The following NDUFA5 variants were observed in gnomAD, a reference collection of about 807,000 sequenced individuals.
NDUFA5 encodes NADH dehydrogenase [ubiquinone] 1 alpha subcomplex subunit 5.
NDUFA5 carries 11 observed loss-of-function variants against 19.8 expected under a neutral mutation model. That is an observed-to-expected ratio of 0.56 (90% confidence interval 0.35 to 0.92). The LOEUF (loss-of-function observed/expected upper bound fraction) is 0.92. Among genes scored for constraint, NDUFA5 ranks in the 40% least tolerant of loss-of-function variants. The pLI is 0.01. For synonymous variants in NDUFA5, 47 were observed against 46.8 expected (o/e 1.00, Z -0.01); for missense variants, 109 against 134.2 (o/e 0.81, Z 0.93).
chr7:123,557,704 G>A (rs1308995549), intron 1 of NDUFA5, 71 bp downstream of exon 1: 2 of 1,613,984 alleles, frequency 1.2e-6, no homozygotes, highest in Non-Finnish European at 8.5e-7. Flanking sequence ...CAACACCCGC[G>A]GGAAGTAGGG....
chr7:123,570,627 T>C, the NDUFA5 span, among the ~76,000 whole-genome samples: 9 of 152,188 alleles, frequency 5.9e-5, no homozygotes, highest in Admixed American at 1.3e-4. Flanking sequence ...TGACTCACCT[T>C]GACAAATTAT....
At chr7:123,592,668 G>A in the NDUFA5 span, among the ~76,000 whole-genome samples, 2 of 152,104 alleles carry the variant, frequency 1.3e-5, no homozygotes, top group African/African-American at 4.8e-5. Flanking sequence ...TGCGATTTCT[G>A]TTCTTTTACA....
chr7:123,579,987 T>G, the NDUFA5 span, among the ~76,000 whole-genome samples: 1 of 151,966 alleles, frequency 6.6e-6, no homozygotes, highest in African/African-American at 2.4e-5. Flanking sequence ...TAAATCCTGA[T>G]GTAACAAAGG....
At chr7:123,542,355 T>A (rs1797971764) in intron 4 of NDUFA5, 135 bp from the exon 5 acceptor site, 2 of 588,650 alleles carry the variant, frequency 3.4e-6, no homozygotes, top group Non-Finnish European at 5.8e-6. Context: ...AAATGTTGAA[T>A]ATTAAGTAAT....
At chr7:123,589,836 G>A in the NDUFA5 span, among the ~76,000 whole-genome samples, 1 of 152,178 alleles carries the variant, frequency 6.6e-6, no homozygotes, top group South Asian at 2.1e-4. Flanking sequence ...TATATACCCA[G>A]TAATGGGATC....
the NDUFA5 span, among the ~76,000 whole-genome samples, chr7:123,564,612 TTG>T: frequency 2.6e-5 from 4 of 151,792 alleles, no homozygotes; most frequent in Non-Finnish European, 4.4e-5. Flanking sequence ...ATATATCCTA[TTG>T]TGTGTGTGTG....
At chr7:123,544,498 C>CAA (rs754788912) in intron 4 of NDUFA5, among the ~76,000 whole-genome samples, 23 of 72,610 alleles carry the variant, frequency 3.2e-4, no homozygotes, top group African/African-American at 3.7e-4. Flanking sequence ...AACTCCATCT[C>CAA]AAAAAAAAAA....
In NDUFA5 at chr7:123,539,587, T is replaced by C. The variant is rs1189407159; in HGVS notation, c.*2532A>G. On this transcript the variant is annotated 3_prime_UTR_variant, in exon 5 of 5. Coordinates refer to ENST00000355749, the MANE Select transcript of NDUFA5 (RefSeq NM_005000.5). Reference sequence around the variant, plus strand: ...AGCCACTCAAAACACTGAAGATCTCTGAATAAAAGAATCATTTGCAAAGTG... The same window carrying C: ...AGCCACTCAAAACACTGAAGATCTCCGAATAAAAGAATCATTTGCAAAGTG... 2 of 152,304 alleles carry C rather than the reference T, an allele frequency of 1.3e-5. No individual in the cohort carries two copies. Among genetic ancestry groups the C allele is most frequent in the South Asian group, 2.1e-4 (1 of 4,828 alleles). The allele number at this position is 152,304 out of a possible 1,614,324, so 9.4% of individuals were successfully genotyped here.
chr7:123,578,180 C>T, the NDUFA5 span, among the ~76,000 whole-genome samples: 7 of 149,230 alleles, frequency 4.7e-5, no homozygotes, highest in East Asian at 9.8e-4. Context: ...AAAAGTTATT[C>T]GTAACCCATA....
In NDUFA5 at chr7:123,540,890, GCACA is replaced by G. The variant is rs56974030; in HGVS notation, c.*1225_*1228del. ...TCTGAGCAAATGTGCGCATGCGCGT[GCACA>G]CACACACACACACACACACACACAC... On this transcript the variant is annotated 3_prime_UTR_variant, in exon 5 of 5. Transcript: ENST00000355749. 0.043 allele frequency: 5,695 copies of G among 133,816 alleles called. 141 individuals carry two copies. The highest frequency in any genetic ancestry group is 0.068 in the Middle Eastern group (19 of 278). The allele number at this position is 133,816 out of a possible 1,614,324, so 8.3% of individuals were successfully genotyped here. A position where few individuals can be genotyped will look rare whatever the true frequency, so the allele number is the denominator to read the frequency against.
At chr7:123,555,702 G>T (rs1256894649) in intron 2 of NDUFA5, 1 of 152,194 alleles carries the variant, frequency 6.6e-6, no homozygotes, top group East Asian at 1.9e-4. Flanking sequence ...CACATACTAT[G>T]TGACAGAGTT....
intron 3 of NDUFA5, among the ~76,000 whole-genome samples, chr7:123,546,082 A>C (rs777996718): frequency 6.6e-6 from 1 of 152,154 alleles, no homozygotes; most frequent in Non-Finnish European, 1.5e-5. Context: ...TATATTTTTT[A>C]AAAAACATGT....
chr7:123,563,402 T>G, the NDUFA5 span, among the ~76,000 whole-genome samples: 131 of 152,264 alleles, frequency 8.6e-4, no homozygotes, highest in African/African-American at 3.1e-3. Flanking sequence ...AGGAGAGAGA[T>G]GGGGAACAGC....
chr7:123,569,294 T>C, the NDUFA5 span, among the ~76,000 whole-genome samples: 1 of 152,146 alleles, frequency 6.6e-6, no homozygotes, highest in Admixed American at 6.5e-5. Context: ...TAAATTCATC[T>C]GGGAAGAAAC....
At chr7:123,564,928 T>C in the NDUFA5 span, among the ~76,000 whole-genome samples, 85 of 144,736 alleles carry the variant, frequency 5.9e-4, no homozygotes, top group Non-Finnish European at 9.4e-4. Flanking sequence ...CACATATATA[T>C]ACACATACAC....
chr7:123,558,050 G>C (rs1798630659), upstream of NDUFA5: 3 of 613,354 alleles, frequency 4.9e-6, no homozygotes, highest in Non-Finnish European at 8.4e-6. Context: ...GTCTGTTCCT[G>C]TTCCTGCCAC....
the NDUFA5 span, among the ~76,000 whole-genome samples, chr7:123,582,305 G>A: frequency 6.6e-6 from 1 of 151,698 alleles, no homozygotes; most frequent in African/African-American, 2.4e-5. Flanking sequence ...ATATCCAAAG[G>A]GAGTGAGTGC....
chr7:123,543,050 TTA>T (rs1798000162), intron 4 of NDUFA5, among the ~76,000 whole-genome samples: 1 of 152,104 alleles, frequency 6.6e-6, no homozygotes, highest in Non-Finnish European at 1.5e-5. Context: ...TATTACACAG[TTA>T]AAAGATAATA....
chr7:123,552,918 C>A (rs1798407535), intron 2 of NDUFA5, among the ~76,000 whole-genome samples: 1 of 152,232 alleles, frequency 6.6e-6, no homozygotes, highest in African/African-American at 2.4e-5. Context: ...TTGCTACTTG[C>A]ATTCAGCTCC....
Sources: allele counts gnomAD v4.1 joint callset (sites outside exome capture counted in the v4.1 genomes callset), GRCh38; gene constraint gnomAD v4.1.1; transcripts MANE v1.5; gene names NCBI Gene and HGNC (gene_info 2026-07-23, HGNC 2026-07-21).